The following PDE4D variants were observed in gnomAD, a reference collection of about 807,000 sequenced individuals.
The protein encoded by PDE4D is phosphodiesterase 4D, also known as 3',5'-cyclic-AMP phosphodiesterase 4D.
In PDE4D, 24 loss-of-function variants were observed where a neutral mutation model predicts 87.4. The ratio of observed to expected loss-of-function variants is 0.27; its 90% confidence interval spans 0.20 to 0.39. PDE4D has a LOEUF of 0.39. Among genes scored for constraint, PDE4D ranks in the 10% least tolerant of loss-of-function variants. The pLI is 1.00. For synonymous variants in PDE4D, 384 were observed against 383.2 expected, an observed-to-expected ratio of 1.00 and a Z score of -0.02; for missense variants, 714 against 1,041.0, an observed-to-expected ratio of 0.69 and a Z score of 4.32.
chr5:59,559,827 A>G (rs899942492), intron 1 of PDE4D, among the ~76,000 whole-genome samples: 1 of 152,222 alleles, frequency 6.6e-6, no homozygotes, highest in Non-Finnish European at 1.5e-5. Flanking sequence ...TCAAGGATCA[A>G]TCACATTCTT....
At chr5:59,116,918 T>G (rs1192391300) in intron 5 of PDE4D, among the ~76,000 whole-genome samples, 1 of 152,376 alleles carries the variant, frequency 6.6e-6, no homozygotes, top group East Asian at 1.9e-4. Flanking sequence ...GATGACTTTC[T>G]GCAAGATGAG....
At chr5:60,277,166 T>C (rs1256244711) in intron 1 of PDE4D, among the ~76,000 whole-genome samples, 1 of 152,044 alleles carries the variant, frequency 6.6e-6, no homozygotes, top group Non-Finnish European at 1.5e-5. Flanking sequence ...AAAAGAAAAT[T>C]AGCATATCCA....
chr5:59,730,900 A>G (rs1316106211), intron 1 of PDE4D, among the ~76,000 whole-genome samples: 1 of 152,174 alleles, frequency 6.6e-6, no homozygotes, highest in Admixed American at 6.6e-5. Context: ...ATAATAGTAT[A>G]CAGGTAATAT....
At chr5:60,491,929 C>A (rs1749554144), upstream of PDE4D, among the ~76,000 whole-genome samples, 1 of 152,002 alleles carries the variant, frequency 6.6e-6, no homozygotes, top group South Asian at 2.1e-4. Context: ...ATTAAATGGG[C>A]AAATACATGC....
At chr5:60,378,372 A>T (rs1267869082) in intron 1 of PDE4D, among the ~76,000 whole-genome samples, 1 of 152,132 alleles carries the variant, frequency 6.6e-6, no homozygotes, top group Non-Finnish European at 1.5e-5. Context: ...ATCCAAGTTT[A>T]CCTACTTAAT....
intron 2 of PDE4D, among the ~76,000 whole-genome samples, chr5:60,141,056 G>A (rs775467374): frequency 7.2e-5 from 11 of 152,056 alleles, no homozygotes; most frequent in Non-Finnish European, 1.5e-4. Context: ...TTTTTTCGTG[G>A]AGTTCATAGA....
intron 1 of PDE4D, among the ~76,000 whole-genome samples, chr5:59,691,023 A>G (rs980064639): frequency 6.6e-6 from 1 of 152,240 alleles, no homozygotes; most frequent in African/African-American, 2.4e-5. Flanking sequence ...ACAATGAGAT[A>G]TCATCTCACA....
At chr5:59,998,798 A>G (rs1258322205) in intron 2 of PDE4D, among the ~76,000 whole-genome samples, 1 of 152,166 alleles carries the variant, frequency 6.6e-6, no homozygotes, top group Non-Finnish European at 1.5e-5. Flanking sequence ...TAGTGGAAAA[A>G]TACAAAATTC....
chr5:59,509,971 A>C (rs561767954), intron 1 of PDE4D, among the ~76,000 whole-genome samples: 1 of 148,670 alleles, frequency 6.7e-6, no homozygotes, highest in South Asian at 2.1e-4. Context: ...ATTATAATTA[A>C]TCCAGTGTTC....
At chr5:60,210,098 C>A (rs1194514297) in intron 1 of PDE4D, among the ~76,000 whole-genome samples, 1 of 151,942 alleles carries the variant, frequency 6.6e-6, no homozygotes, top group Non-Finnish European at 1.5e-5. Context: ...AATGTAGATT[C>A]TAAATTGGGA....
At chr5:59,977,347 C>A (rs186731638) in intron 3 of PDE4D, among the ~76,000 whole-genome samples, 3 of 152,148 alleles carry the variant, frequency 2.0e-5, no homozygotes, top group African/African-American at 7.2e-5. Flanking sequence ...TCAAACCAGC[C>A]GCAACATTCC....
At chr5:60,007,294 C>T (rs1283181828) in intron 2 of PDE4D, among the ~76,000 whole-genome samples, 1 of 151,948 alleles carries the variant, frequency 6.6e-6, no homozygotes, top group African/African-American at 2.4e-5. Flanking sequence ...TGCCAAACCT[C>T]AAGGCAACGT....
chr5:60,238,140 C>T (rs1162197954), intron 1 of PDE4D, among the ~76,000 whole-genome samples: 1 of 151,864 alleles, frequency 6.6e-6, no homozygotes, highest in East Asian at 1.9e-4. Context: ...ATATTAATCC[C>T]TCTGCAAGTT....
chr5:59,398,407 G>A (rs1175817065), intron 1 of PDE4D, among the ~76,000 whole-genome samples: 147 of 140,336 alleles, frequency 1.0e-3, no homozygotes, highest in East Asian at 2.6e-3. Context: ...TCATCCCTGG[G>A]ATGCAAGGCT....
Position 59,088,212 on chromosome 5 carries a change from C to T in PDE4D, c.809-49241G>A, listed in dbSNP as rs181812249. The stretch of plus-strand genomic sequence containing the variant: ...ATACAAAAATTCATAAAACATCATC[C>T]TTGCCTCCAAAAAACACTTTATTAT... On this transcript the variant is annotated intron_variant, in intron 5 of 14. Coordinates refer to ENST00000340635, the MANE Select transcript of PDE4D (RefSeq NM_001104631.2). 1.8e-4 allele frequency among the ~76,000 whole-genome samples: 28 copies of T among 152,240 alleles called. No individual in the cohort carries two copies. In the East Asian group the frequency reaches 5.4e-3, roughly 29 times the overall value.
intron 5 of PDE4D, chr5:59,179,628 G>C: frequency 2.2e-6 from 1 of 450,172 alleles, no homozygotes; most frequent in South Asian, 1.6e-5. Flanking sequence ...CACAAACACA[G>C]ACAGACGTCT....
chr5:59,033,097 AAAT>A (rs1457261940), intron 6 of PDE4D, among the ~76,000 whole-genome samples: 4 of 152,170 alleles, frequency 2.6e-5, no homozygotes, highest in South Asian at 2.1e-4. Flanking sequence ...TCTGAATACT[AAAT>A]AATAATAATA....
intron 1 of PDE4D, among the ~76,000 whole-genome samples, chr5:59,460,103 GA>G (rs1360059696): frequency 9.9e-5 from 15 of 151,488 alleles, no homozygotes; most frequent in Non-Finnish European, 1.6e-4. Flanking sequence ...AAAGAAAGTA[GA>G]AAACAGACAA....
At chr5:60,510,907 T>A (rs1468889390) in intron 1 of PDE4D, among the ~76,000 whole-genome samples, 1 of 152,182 alleles carries the variant, frequency 6.6e-6, no homozygotes, top group Non-Finnish European at 1.5e-5. Flanking sequence ...GGCACAATTA[T>A]CCTTGGTAAC....
Sources: gnomAD v4.1 joint callset for allele counts (sites outside exome capture counted in the v4.1 genomes callset) on GRCh38, gnomAD v4.1.1 for gene constraint, MANE v1.5 for transcripts, NCBI Gene and HGNC (gene_info 2026-07-23, HGNC 2026-07-21) for gene names.